Variants in SDK2 observed in about 807,000 individuals in gnomAD.
The protein encoded by SDK2 is protein sidekick-2.
Under a neutral mutation model 253.9 loss-of-function variants are expected in SDK2, and 105 were observed. That is an observed-to-expected ratio of 0.41 (90% CI 0.35 to 0.49). The LOEUF (loss-of-function observed/expected upper bound fraction) is 0.49. Among genes scored for constraint, SDK2 ranks in the 20% least tolerant of loss-of-function variants. The pLI is 0.06. For missense variants in SDK2, 2,608 were observed against 3,003.0 expected, an observed-to-expected ratio of 0.87 and a Z score of 3.07; for synonymous variants, 1,249 against 1,234.9, an observed-to-expected ratio of 1.01 and a Z score of -0.24.
intron 2 of SDK2, among the ~76,000 whole-genome samples, chr17:73,495,045 A>T (rs1401937933): frequency 2.0e-5 from 3 of 152,186 alleles, no homozygotes; most frequent in Non-Finnish European, 4.4e-5. Flanking sequence ...CGGGCTGAGG[A>T]TCCAACAGAG....
rs1330783104 is a variant in SDK2 at position 73,423,453 on chromosome 17, C to T, written c.1830G>A (p.Leu610=). ...LSTVERRAIN[L]TWTKPFDGNS... is the part of the protein sequence containing the mutation. Reference sequence around the variant, plus strand: ...TGCCATCAAAGGGCTTGGTCCACGTCAGGTTGATGGCTCGCCTTTCCACGG... The same window carrying T: ...TGCCATCAAAGGGCTTGGTCCACGTTAGGTTGATGGCTCGCCTTTCCACGG... The change falls in exon 14 of 45, where the codon CTG becomes CTA. Residue 610 remains leucine (L), a synonymous_variant. Transcript: ENST00000392650. 6.3e-7 allele frequency: 1 copy of T among 1,593,278 alleles called. No individual in the cohort carries two copies. The highest frequency in any genetic ancestry group is 2.3e-5 in the East Asian group (1 of 43,906).
intron 4 of SDK2, among the ~76,000 whole-genome samples, chr17:73,453,988 G>A (rs979082680): frequency 2.0e-5 from 3 of 152,058 alleles, no homozygotes; most frequent in African/African-American, 4.8e-5. Flanking sequence ...CCATATTTTT[G>A]TGGTACCTTT....
In SDK2 at chr17:73,431,570, C is replaced by A. The variant is rs1260373231; in HGVS notation, c.1412G>T (p.Gly471Val). Residue 471 changes from glycine to valine, a missense_variant, in exon 11 of 45, where the codon GGG (glycine) becomes GTG (valine). Transcript: ENST00000392650. The surrounding 1 kb of genome is among the most constrained non-coding windows in gnomAD (Gnocchi z 5.6). ...LISPTHISDAGTYTCLATNSR... is the reference protein window; with the variant it reads ...LISPTHISDAVTYTCLATNSR... ...GTTGGTGGCCAGGCAGGTGTAGGTC[C>A]CCGCATCGGAGATGTGTGTGGGGCT... 1 of 1,613,476 alleles carries A rather than the reference C, an allele frequency of 6.2e-7. No homozygotes were observed. The highest frequency in any genetic ancestry group is 8.5e-7 in the Non-Finnish European group (1 of 1,179,728).
rs1051757678 is a variant in SDK2, at chr17:73,383,720, T to G, written c.4705+156A>C. Among the ~76,000 whole-genome samples, 15 of 152,066 alleles carry G rather than the reference T, an allele frequency of 9.9e-5. No homozygotes were observed. Among genetic ancestry groups the G allele is most frequent in the African/African-American group, 3.4e-4 (14 of 41,392 alleles). ...AGGTGCTCAGTAAATATTCAGTAAA[T>G]GAATGAATGGGATGGGAGGAGGGAG... On this transcript the variant is annotated intron_variant, in intron 33 of 44. Coordinates refer to ENST00000392650, the MANE Select transcript of SDK2 (RefSeq NM_001144952.2). The surrounding 1 kb of genome is among the most constrained non-coding windows in gnomAD (Gnocchi z 4.3).
chr17:73,573,739 T>C (rs778404485), intron 1 of SDK2, among the ~76,000 whole-genome samples: 2 of 152,132 alleles, frequency 1.3e-5, no homozygotes, highest in African/African-American at 2.4e-5. Context: ...AATGCATAAA[T>C]TGGATCATGC....
chr17:73,380,440 G>A (rs1004942496), intron 34 of SDK2, among the ~76,000 whole-genome samples: 7 of 152,134 alleles, frequency 4.6e-5, no homozygotes, highest in Non-Finnish European at 7.3e-5. Flanking sequence ...TCTGGTGCAC[G>A]GGAGGACGAC....
intron 5 of SDK2, among the ~76,000 whole-genome samples, chr17:73,442,699 C>G (rs1248973715): frequency 6.6e-6 from 1 of 151,976 alleles, no homozygotes; most frequent in Non-Finnish European, 1.5e-5. Flanking sequence ...GCCTGGCACA[C>G]AGTAAGTGCT....
chr17:73,588,689 T>TGCGGTGCTAAGGACAGCCTCCC lies in SDK2; in HGVS notation c.64+55335_64+55336insGGGAGGCTGTCCTTAGCACCGC, dbSNP rs2045640354. ...CCCCGCAGTGCTCAGGACAGCCTCC[T>TGCGGTGCTAAGGACAGCCTCCC]GCGGTGCTCAGGACAGCCTCCCCTC... On this transcript the variant is annotated intron_variant, in intron 1 of 44. Coordinates refer to ENST00000392650, the MANE Select transcript of SDK2 (RefSeq NM_001144952.2). Among the ~76,000 whole-genome samples the TGCGGTGCTAAGGACAGCCTCCC allele has an allele frequency of 5.3e-5, 8 of 151,730 alleles. No individual in the cohort carries two copies. The South Asian group carries it at 1.7e-3, about 31-fold the overall frequency.
chr17:73,412,441 T>G (rs1457539535), intron 18 of SDK2, among the ~76,000 whole-genome samples: 1 of 151,886 alleles, frequency 6.6e-6, no homozygotes, highest in East Asian at 1.9e-4. Flanking sequence ...CCTGGTCTAC[T>G]GCTATTATTA....
At chr17:73,380,973 C>A (rs1449690412) in intron 33 of SDK2, 23 bp from the exon 34 acceptor site, 1 of 604,324 alleles carries the variant, frequency 1.7e-6, no homozygotes, top group Non-Finnish European at 3.0e-6. Flanking sequence ...GGTGCCGGGG[C>A]GGGGGCGCAG....
intron 18 of SDK2, 42 bp from the exon 19 acceptor site, chr17:73,402,183 T>A (rs1359653226): frequency 4.4e-6 from 7 of 1,587,688 alleles, no homozygotes; most frequent in Non-Finnish European, 6.0e-6. Flanking sequence ...GCAGGAAGGT[T>A]CCAGAGGAGG....
Position 73,383,015 on chromosome 17 carries a change from C to A in SDK2, c.4705+861G>T, listed in dbSNP as rs964210139. On this transcript the variant is annotated intron_variant, in intron 33 of 44. Coordinates refer to ENST00000392650, the MANE Select transcript of SDK2 (RefSeq NM_001144952.2). This position sits in a 1 kb window ranked among gnomAD's most constrained non-coding sequence, Gnocchi z 4.3. Reference sequence around the variant, plus strand: ...TTACACTCCAGCCTGGGCAACAGAGCGAGACTCTGTCTAAAAAAACCCAAA... The same window carrying A: ...TTACACTCCAGCCTGGGCAACAGAGAGAGACTCTGTCTAAAAAAACCCAAA... Among the ~76,000 whole-genome samples, 1 of 152,134 alleles carries A rather than the reference C, an allele frequency of 6.6e-6. No homozygotes were observed. The highest frequency in any genetic ancestry group is 2.4e-5 in the African/African-American group (1 of 41,430).
chr17:73,500,944 T>A (rs183341488), intron 2 of SDK2, among the ~76,000 whole-genome samples: 1 of 152,294 alleles, frequency 6.6e-6, no homozygotes, highest in Non-Finnish European at 1.5e-5. Context: ...TCCCCTGTCC[T>A]GTCATTTCTC....
intron 1 of SDK2, among the ~76,000 whole-genome samples, chr17:73,624,140 A>C (rs1266226347): frequency 6.6e-6 from 1 of 152,266 alleles, no homozygotes; most frequent in Non-Finnish European, 1.5e-5. Flanking sequence ...AAAATAGACC[A>C]GTGTTAGGAA....
rs1188050748 is a variant in SDK2 at position 73,443,915 on chromosome 17, G to C, written c.614-2992C>G. 6.6e-6 allele frequency among the ~76,000 whole-genome samples: 1 copy of C among 152,176 alleles called. No individual in the cohort carries two copies. Among genetic ancestry groups the C allele is most frequent in the Non-Finnish European group, 1.5e-5 (1 of 68,020 alleles). On this transcript the variant is annotated intron_variant, in intron 5 of 44. Coordinates refer to ENST00000392650, the MANE Select transcript of SDK2 (RefSeq NM_001144952.2). This position sits in a 1 kb window ranked among gnomAD's most constrained non-coding sequence, Gnocchi z 4.6. Reference sequence around the variant, plus strand: ...GTGCCAGGCTGTGTTCCAGGCACCAGAGATTCTCCACCAAGCGAGATGGCC... The same window carrying C: ...GTGCCAGGCTGTGTTCCAGGCACCACAGATTCTCCACCAAGCGAGATGGCC...
At chr17:73,386,017 G>T in intron 31 of SDK2, 100 bp from the exon 32 acceptor site, 1 of 841,430 alleles carries the variant, frequency 1.2e-6, no homozygotes, top group Non-Finnish European at 1.9e-6. Context: ...CTGCGGGGCA[G>T]GTCCAGATCG....
chr17:73,543,197 C>T (rs911950992), intron 1 of SDK2, among the ~76,000 whole-genome samples: 2 of 152,064 alleles, frequency 1.3e-5, no homozygotes, highest in Non-Finnish European at 2.9e-5. Context: ...GCCCTCTCAT[C>T]CAGGATGTGA....
intron 2 of SDK2, among the ~76,000 whole-genome samples, chr17:73,476,936 T>A (rs187402175): frequency 6.6e-6 from 1 of 151,846 alleles, no homozygotes; most frequent in Non-Finnish European, 1.5e-5. Context: ...CTCCCGCTCC[T>A]CCGCCTCCGT....
At chr17:73,641,813 A>C (rs966871492) in intron 1 of SDK2, among the ~76,000 whole-genome samples, 1 of 152,006 alleles carries the variant, frequency 6.6e-6, no homozygotes, top group Non-Finnish European at 1.5e-5. Context: ...CTCTAACCCC[A>C]AAGCAGATAA....
Sources: allele counts gnomAD v4.1 joint callset (sites outside exome capture counted in the v4.1 genomes callset), GRCh38; gene constraint gnomAD v4.1.1; non-coding constraint Gnocchi (gnomAD v3.1); transcripts MANE v1.5; gene names NCBI Gene and HGNC (gene_info 2026-07-23, HGNC 2026-07-21).